ARHGAP26: variants seen among roughly 807,000 people sequenced by gnomAD.
ARHGAP26 encodes rho GTPase-activating protein 26.
A neutral mutation model predicts 104.8 loss-of-function variants in ARHGAP26; 38 were observed. The ratio of observed to expected loss-of-function variants is 0.36; its 90% CI spans 0.28 to 0.48. The LOEUF is 0.48. Ranked by LOEUF, ARHGAP26 falls within the 20% of genes least tolerant of loss-of-function variation. The pLI is 0.99. For synonymous variants in ARHGAP26, 341 were observed against 340.0 expected, an observed-to-expected ratio of 1.00 and a Z score of -0.03; for missense variants, 704 against 947.9, an observed-to-expected ratio of 0.74 and a Z score of 3.38.
chr5:142,778,253 AATT>A (rs1313931976), intron 1 of ARHGAP26, among the ~76,000 whole-genome samples: 1 of 152,202 alleles, frequency 6.6e-6, no homozygotes, highest in East Asian at 1.9e-4. Context: ...TTAGGGGTAA[AATT>A]AACAATATGA....
intron 1 of ARHGAP26, among the ~76,000 whole-genome samples, chr5:142,793,016 T>C (rs1760173359): frequency 2.0e-5 from 3 of 152,180 alleles, no homozygotes; most frequent in Non-Finnish European, 4.4e-5. Context: ...CCCATGGGTA[T>C]TCCCCCTAGG....
At chr5:143,129,112 A>G (rs1797036597) in intron 18 of ARHGAP26, among the ~76,000 whole-genome samples, 1 of 152,228 alleles carries the variant, frequency 6.6e-6, no homozygotes, top group South Asian at 2.1e-4. Context: ...AATCAGTGAA[A>G]TTTAAATTTT....
chr5:142,965,733 T>A (rs1017754622), intron 11 of ARHGAP26, among the ~76,000 whole-genome samples: 3 of 152,252 alleles, frequency 2.0e-5, no homozygotes, highest in African/African-American at 7.2e-5. Context: ...ACAGCTCGTG[T>A]CCTTGGTCTC....
intron 20 of ARHGAP26, chr5:143,202,508 A>G (rs1178317197): frequency 6.6e-6 from 1 of 152,176 alleles, no homozygotes. Context: ...TGCCCAAAGT[A>G]ATTGATAGAT....
At chr5:142,985,656 TC>T (rs1171270381) in intron 11 of ARHGAP26, among the ~76,000 whole-genome samples, 1 of 27,230 alleles carries the variant, frequency 3.7e-5, no homozygotes, top group African/African-American at 1.4e-4. Flanking sequence ...CCCTCCCCCC[TC>T]CCCCCCACCC....
intron 11 of ARHGAP26, among the ~76,000 whole-genome samples, chr5:143,011,785 T>C (rs1778794201): frequency 6.6e-6 from 1 of 152,220 alleles, no homozygotes; most frequent in Non-Finnish European, 1.5e-5. Context: ...CTCTTTTAAG[T>C]AGAAATTACA....
chr5:142,995,023 A>G (rs1388194259), intron 11 of ARHGAP26, among the ~76,000 whole-genome samples: 1 of 152,250 alleles, frequency 6.6e-6, no homozygotes, highest in African/African-American at 2.4e-5. Flanking sequence ...CTCCAGATGG[A>G]TTAAAGACTT....
chr5:142,787,720 A>G (rs1353858930), intron 1 of ARHGAP26, among the ~76,000 whole-genome samples: 1 of 152,254 alleles, frequency 6.6e-6, no homozygotes, highest in African/African-American at 2.4e-5. Flanking sequence ...TTATATAGAC[A>G]ATACATGTTC....
chr5:143,011,703 C>T (rs896931159), intron 11 of ARHGAP26, among the ~76,000 whole-genome samples: 3 of 152,236 alleles, frequency 2.0e-5, no homozygotes, highest in African/African-American at 7.2e-5. Flanking sequence ...AATTTGGAAA[C>T]CATGATCTAG....
intron 17 of ARHGAP26, among the ~76,000 whole-genome samples, chr5:143,102,605 C>T (rs1793414534): frequency 1.3e-5 from 2 of 152,252 alleles, no homozygotes; most frequent in Non-Finnish European, 2.9e-5. Context: ...ACCCCTGTGC[C>T]TGTTGCGTCG....
At chr5:142,802,255 T>A (rs1762214311) in intron 1 of ARHGAP26, among the ~76,000 whole-genome samples, 1 of 152,256 alleles carries the variant, frequency 6.6e-6, no homozygotes, top group Non-Finnish European at 1.5e-5. Context: ...TTCTGAGCAT[T>A]CTTTAACAGA....
intron 17 of ARHGAP26, among the ~76,000 whole-genome samples, chr5:143,083,149 A>G (rs1459915983): frequency 3.9e-5 from 6 of 152,070 alleles, no homozygotes; most frequent in African/African-American, 9.7e-5. Flanking sequence ...TCTTTTTCCC[A>G]TTAGTCACAG....
chr5:143,115,236 GGTGGGAGAATTGCTTGAAC>G (rs1229565177), intron 17 of ARHGAP26, among the ~76,000 whole-genome samples: 2 of 151,958 alleles, frequency 1.3e-5, no homozygotes, highest in Non-Finnish European at 2.9e-5. Context: ...CGGAGGCTGA[GGTGGGAGAATTGCTTGAAC>G]CCAGGAGGCG....
chr5:142,868,588 A>G (rs114738784), intron 1 of ARHGAP26, among the ~76,000 whole-genome samples: 168 of 152,296 alleles, frequency 1.1e-3, no homozygotes, highest in Non-Finnish European at 1.8e-3. Context: ...GGGAATGGAC[A>G]TGGCACATGA....
At chr5:142,975,271 A>G (rs1772896673) in intron 11 of ARHGAP26, among the ~76,000 whole-genome samples, 2 of 152,080 alleles carry the variant, frequency 1.3e-5, no homozygotes, top group Non-Finnish European at 2.9e-5. Context: ...AAGGGGTAGG[A>G]CTAGAGAACT....
intron 11 of ARHGAP26, among the ~76,000 whole-genome samples, chr5:142,968,502 G>A (rs1445702924): frequency 1.3e-5 from 2 of 152,182 alleles, no homozygotes; most frequent in African/African-American, 4.8e-5. Flanking sequence ...CAAATAATAT[G>A]GAAGTAGTAT....
intron 11 of ARHGAP26, among the ~76,000 whole-genome samples, chr5:142,948,576 C>G (rs1360151391): frequency 6.6e-6 from 1 of 151,532 alleles, no homozygotes; most frequent in Non-Finnish European, 1.5e-5. Flanking sequence ...GCTGAAGAAG[C>G]TACTTATTGA....
chr5:142,945,258 G>T (rs1766935230), intron 11 of ARHGAP26, among the ~76,000 whole-genome samples: 1 of 152,226 alleles, frequency 6.6e-6, no homozygotes, highest in Non-Finnish European at 1.5e-5. Context: ...TGGCTGACGT[G>T]TGTGCTCTTT....
intron 17 of ARHGAP26, among the ~76,000 whole-genome samples, chr5:143,089,859 T>G (rs955231467): frequency 2.6e-5 from 4 of 152,230 alleles, no homozygotes; most frequent in Non-Finnish European, 5.9e-5. Context: ...CTTCTCTCGC[T>G]TCACGATGTC....
Sources: allele counts gnomAD v4.1 joint callset (sites outside exome capture counted in the v4.1 genomes callset), GRCh38; gene constraint gnomAD v4.1.1; transcripts MANE v1.5; gene names NCBI Gene and HGNC (gene_info 2026-07-23, HGNC 2026-07-21).